THNSL1: variants seen among roughly 807,000 people sequenced by gnomAD.
The protein encoded by THNSL1 is threonine synthase like 1.
A neutral mutation model predicts 50.4 loss-of-function variants in THNSL1; 48 were observed. That is an observed-to-expected ratio of 0.95 (90% CI 0.76 to 1.21). THNSL1 has a LOEUF of 1.21. Among genes scored for constraint, THNSL1 ranks in the 50% most tolerant of loss-of-function variants. The pLI is 0.00. For synonymous variants in THNSL1, 309 were observed against 306.1 expected (o/e 1.01, Z -0.10); for missense variants, 896 against 871.7 (o/e 1.03, Z -0.35).
chr10:24,972,921 T>C, the THNSL1 span, among the ~76,000 whole-genome samples: 1 of 152,204 alleles, frequency 6.6e-6, no homozygotes, highest in Non-Finnish European at 1.5e-5. Context: ...CTGCAGATAG[T>C]ACTCAACCCT....
At position 25,016,616 on chromosome 10, in the gene THNSL1, A is replaced by T. The variant is rs539355409; in HGVS notation, c.-292A>T. The T allele has an allele frequency of 6.6e-6, 1 of 152,370 alleles. No individual in the cohort carries two copies. Among genetic ancestry groups the T allele is most frequent in the African/African-American group, 2.4e-5 (1 of 41,450 alleles). The allele number at this position is 152,370 out of a possible 1,614,324, so 9.4% of individuals were successfully genotyped here. A position where few individuals can be genotyped will look rare whatever the true frequency, so the allele number is the denominator to read the frequency against. On this transcript the variant is annotated 5_prime_UTR_variant, in exon 1 of 3. Transcript: ENST00000376356. ...CGAGGCCGCTCGGGGAAGGGCGTGG[A>T]GCGGAGGCACGCTGGCCGCCGCAGG...
At chr10:25,001,005 T>C in the THNSL1 span, among the ~76,000 whole-genome samples, 3 of 152,238 alleles carry the variant, frequency 2.0e-5, no homozygotes, top group Admixed American at 1.3e-4. Flanking sequence ...AACCCCACTC[T>C]TGTCTTAGTG....
the THNSL1 span, among the ~76,000 whole-genome samples, chr10:24,960,831 C>T: frequency 6.6e-6 from 1 of 152,128 alleles, no homozygotes; most frequent in South Asian, 2.1e-4. Flanking sequence ...CTCAAGCCAT[C>T]CTCCCGCCTT....
the THNSL1 span, chr10:24,990,532 A>G: frequency 1.9e-6 from 3 of 1,614,098 alleles, no homozygotes; most frequent in Non-Finnish European, 2.5e-6. Flanking sequence ...TTTCCTGGAT[A>G]TAACGATCAT....
the THNSL1 span, among the ~76,000 whole-genome samples, chr10:24,965,368 C>T: frequency 0.01 from 1,529 of 152,312 alleles, 26 homozygotes; most frequent in African/African-American, 0.032. Flanking sequence ...GTCTGGTCCA[C>T]TGGCCTCCAG....
chr10:24,995,901 A>G, the THNSL1 span: 1 of 1,538,922 alleles, frequency 6.5e-7, no homozygotes, highest in Admixed American at 1.9e-5. Context: ...TGTTAATATT[A>G]AACTACAAAC....
Position 25,022,913 on chromosome 10 carries a change from G to GT in THNSL1, c.-48-257dup, listed in dbSNP as rs549489186. 1.6e-3 allele frequency among the ~76,000 whole-genome samples: 251 copies of GT among 152,174 alleles called. 1 individual carries two copies. Among genetic ancestry groups the GT allele is most frequent in the African/African-American group, 5.5e-3 (230 of 41,562 alleles). On this transcript the variant is annotated intron_variant, in intron 2 of 2. Coordinates refer to ENST00000376356, the MANE Select transcript of THNSL1 (RefSeq NM_024838.5). Reference sequence around the variant, plus strand: ...TGGCACTTTGTGAATACAAGTTTCTGTTTTTTATAGTTACAAATTTTGTCA... The same window carrying GT: ...TGGCACTTTGTGAATACAAGTTTCTGTTTTTTTATAGTTACAAATTTTGTCA...
the THNSL1 span, chr10:24,990,594 G>T: frequency 6.3e-7 from 1 of 1,598,838 alleles, no homozygotes; most frequent in Non-Finnish European, 8.5e-7. Context: ...ATGTATTCAG[G>T]TGTGACACCA....
the THNSL1 span, chr10:24,984,074 A>G: frequency 2.7e-5 from 9 of 333,666 alleles, no homozygotes; most frequent in Non-Finnish European, 3.8e-5. Flanking sequence ...AAAGGAGGCT[A>G]TTCTCCTTAA....
At chr10:24,999,633 AATTT>A in the THNSL1 span, 8 of 1,210,452 alleles carry the variant, frequency 6.6e-6, no homozygotes, top group African/African-American at 1.2e-4. Context: ...TTACATTTTT[AATTT>A]ATTTAAGTCT....
At chr10:25,013,135 A>T (rs1425104093), upstream of THNSL1, among the ~76,000 whole-genome samples, 1 of 152,204 alleles carries the variant, frequency 6.6e-6, no homozygotes, top group Non-Finnish European at 1.5e-5. Context: ...GCCTTCTGCC[A>T]TGATTGTAAG....
chr10:25,016,088 C>A, upstream of THNSL1: 1 of 1,348,580 alleles, frequency 7.4e-7, no homozygotes, highest in Non-Finnish European at 9.6e-7. Flanking sequence ...CCCTTTAACC[C>A]CCTCTTAGCA....
At chr10:25,015,225 G>C (rs564631913), upstream of THNSL1, among the ~76,000 whole-genome samples, 12 of 152,248 alleles carry the variant, frequency 7.9e-5, no homozygotes, top group Non-Finnish European at 1.8e-4. Context: ...GAGGTTCTAA[G>C]ACCTATGTAA....
chr10:24,981,942 C>T, the THNSL1 span: 1 of 152,130 alleles, frequency 6.6e-6, no homozygotes, highest in Admixed American at 6.5e-5. Flanking sequence ...CCAAGTCTGA[C>T]TTATGTCATG....
the THNSL1 span, among the ~76,000 whole-genome samples, chr10:25,004,310 G>A: frequency 6.6e-6 from 1 of 152,132 alleles, no homozygotes; most frequent in Non-Finnish European, 1.5e-5. Flanking sequence ...GGATTGCTGG[G>A]TTGAATGGTA....
chr10:25,022,206 G>A (rs1257903604), intron 2 of THNSL1, among the ~76,000 whole-genome samples: 2 of 152,088 alleles, frequency 1.3e-5, no homozygotes, highest in African/African-American at 4.8e-5. Flanking sequence ...TGTTTTAATG[G>A]TGAGTATATT....
chr10:25,012,841 T>C (rs1373206279), upstream of THNSL1, among the ~76,000 whole-genome samples: 1 of 152,168 alleles, frequency 6.6e-6, no homozygotes, highest in Non-Finnish European at 1.5e-5. Flanking sequence ...TATGATTGGT[T>C]TTGAAATGTG....
chr10:24,994,668 TATAAGTGCGCAAA>T, the THNSL1 span, among the ~76,000 whole-genome samples: 2 of 152,158 alleles, frequency 1.3e-5, no homozygotes, highest in African/African-American at 4.8e-5. Context: ...TTTTAAGCTT[TATAAGTGCGCAAA>T]ATAAAGTAGC....
intron 2 of THNSL1, among the ~76,000 whole-genome samples, 175 bp from the exon 3 acceptor site, chr10:25,023,001 A>G (rs1008276949): frequency 1.3e-5 from 2 of 152,230 alleles, no homozygotes; most frequent in East Asian, 3.8e-4. Context: ...AATATGCAAT[A>G]TATAAGAATT....
Sources: allele counts gnomAD v4.1 joint callset (sites outside exome capture counted in the v4.1 genomes callset), GRCh38; gene constraint gnomAD v4.1.1; transcripts MANE v1.5; gene names NCBI Gene and HGNC (gene_info 2026-07-23, HGNC 2026-07-21).